Variants in SLC41A2 observed in about 807,000 individuals in gnomAD.
SLC41A2 encodes SLC41A1-like 1.
In SLC41A2, 32 loss-of-function variants were observed where a neutral mutation model predicts 58.3. The ratio of observed to expected loss-of-function variants is 0.55; its 90% CI spans 0.41 to 0.74. The LOEUF is 0.74. SLC41A2 is among the 30% of genes least tolerant of loss of function. The probability of loss-of-function intolerance (pLI) is 0.00; values close to 1 mark genes in which losing one functional copy is unlikely to be tolerated. For synonymous variants in SLC41A2, 190 were observed against 235.0 expected (o/e 0.81, Z 1.75); for missense variants, 514 against 680.6 (o/e 0.76, Z 2.72).
At chr12:104,805,388 A>T in intron 10 of SLC41A2, 51 bp from the exon 11 acceptor site, 1 of 1,511,420 alleles carries the variant, frequency 6.6e-7, no homozygotes, top group South Asian at 1.3e-5. Context: ...TTCCTAGCCC[A>T]TGAAACATGG....
intron 8 of SLC41A2, among the ~76,000 whole-genome samples, chr12:104,849,899 T>C (rs1378722666): frequency 2.0e-5 from 3 of 152,182 alleles, no homozygotes; most frequent in East Asian, 1.9e-4. Flanking sequence ...AATTCCACTC[T>C]TAGACAAATA....
chr12:104,831,300 C>T (rs944309564), intron 10 of SLC41A2, among the ~76,000 whole-genome samples: 1 of 152,148 alleles, frequency 6.6e-6, no homozygotes, highest in African/African-American at 2.4e-5. Context: ...ATGTCTTAAA[C>T]TCCAAGCCTC....
Position 104,887,454 on chromosome 12 carries a change from T to A in SLC41A2, c.881-1015A>T, listed in dbSNP as rs372620697. Among the ~76,000 whole-genome samples the A allele has an allele frequency of 7.2e-5, 11 of 152,012 alleles. No homozygotes were observed. The East Asian group carries it at 1.7e-3, about 24-fold the overall frequency. ...AAGCCAAAATTTTAATAAGCAGAAT[T>A]TTTGTCTTGCATCAAACAGTGCCTT... is the stretch of plus-strand genomic sequence containing the variant. On this transcript the variant is annotated intron_variant, in intron 5 of 10. Transcript: ENST00000258538.
At chr12:104,904,980 T>A (rs545816574) in intron 3 of SLC41A2, among the ~76,000 whole-genome samples, 55 of 152,236 alleles carry the variant, frequency 3.6e-4, no homozygotes, top group Admixed American at 2.8e-3. Flanking sequence ...TATTCTCTTA[T>A]CTGGCCCCAC....
chr12:104,934,915 T>C (rs887423731), intron 1 of SLC41A2, among the ~76,000 whole-genome samples: 1 of 152,074 alleles, frequency 6.6e-6, no homozygotes, highest in Non-Finnish European at 1.5e-5. Flanking sequence ...TCAAAAGGTA[T>C]AAAGTTTCAG....
chr12:104,879,146 T>G (rs945366176), intron 6 of SLC41A2, among the ~76,000 whole-genome samples: 1 of 152,250 alleles, frequency 6.6e-6, no homozygotes, highest in Non-Finnish European at 1.5e-5. Flanking sequence ...TTCACCCACT[T>G]GTTGATGGGG....
chr12:104,937,423 A>G (rs2047326498), intron 1 of SLC41A2, among the ~76,000 whole-genome samples: 2 of 152,196 alleles, frequency 1.3e-5, no homozygotes, highest in South Asian at 4.1e-4. Context: ...ACCATTGTGT[A>G]ACAACTGCCT....
intron 1 of SLC41A2, among the ~76,000 whole-genome samples, chr12:104,941,258 T>A (rs1415416325): frequency 2.0e-5 from 3 of 152,160 alleles, no homozygotes; most frequent in Admixed American, 6.5e-5. Context: ...ATAAAACAAT[T>A]GCTCATTTCT....
rs144477546 is a variant in SLC41A2, at chr12:104,913,611, C to T, written c.556-3849G>A. 5.2e-3 allele frequency among the ~76,000 whole-genome samples: 798 copies of T among 152,300 alleles called. 9 individuals carry two copies. The highest frequency in any genetic ancestry group is 0.018 in the African/African-American group (765 of 41,558). On this transcript the variant is annotated intron_variant, in intron 2 of 10. Transcript: ENST00000258538. The stretch of plus-strand genomic sequence containing the variant: ...TATTAAATACGTACATTTGGCCACC[C>T]CACCCAGCATAAATTCCTATTTCCT...
Position 104,904,791 on chromosome 12 carries a change from C to T in SLC41A2, c.663+4864G>A, listed in dbSNP as rs189106460. On this transcript the variant is annotated intron_variant, in intron 3 of 10. Transcript: ENST00000258538. Reference sequence around the variant, plus strand: ...GTTCCTCCTGGTGGGCTCGTGGTCTCGCTGGGCTCAGGAGTGAAGCTGCAG... The same window carrying T: ...GTTCCTCCTGGTGGGCTCGTGGTCTTGCTGGGCTCAGGAGTGAAGCTGCAG... Among the ~76,000 whole-genome samples the T allele has an allele frequency of 2.6e-3, 402 of 152,054 alleles. 3 individuals are homozygous for T. The highest frequency in any genetic ancestry group is 9.4e-3 in the African/African-American group (390 of 41,462).
At chr12:104,827,088 T>A (rs1039062186) in intron 10 of SLC41A2, among the ~76,000 whole-genome samples, 1 of 152,188 alleles carries the variant, frequency 6.6e-6, no homozygotes, top group Admixed American at 6.5e-5. Flanking sequence ...TACTAAGTTG[T>A]CCATGATCGA....
intron 1 of SLC41A2, among the ~76,000 whole-genome samples, chr12:104,940,158 C>T (rs1298576907): frequency 6.6e-6 from 1 of 151,802 alleles, no homozygotes; most frequent in African/African-American, 2.4e-5. Flanking sequence ...GGATTACAAG[C>T]ATGCACCACC....
intron 10 of SLC41A2, 84 bp downstream of exon 10, chr12:104,844,388 G>T: frequency 1.1e-6 from 1 of 898,088 alleles, no homozygotes; most frequent in Non-Finnish European, 1.6e-6. Context: ...ATGGTAAAAT[G>T]TGTCATGTGT....
chr12:104,895,215 T>G, intron 4 of SLC41A2, 59 bp downstream of exon 4: 3 of 1,235,228 alleles, frequency 2.4e-6, no homozygotes, highest in Non-Finnish European at 3.6e-6. Flanking sequence ...ACCAATCTTA[T>G]AGATTACAGT....
chr12:104,910,253 C>T (rs1364024261), intron 2 of SLC41A2, among the ~76,000 whole-genome samples: 1 of 152,080 alleles, frequency 6.6e-6, no homozygotes, highest in Non-Finnish European at 1.5e-5. Context: ...AAAGATGGGA[C>T]CTAGAGTTGA....
chr12:104,933,684 C>T (rs1565913454), intron 1 of SLC41A2, among the ~76,000 whole-genome samples: 1 of 151,042 alleles, frequency 6.6e-6, no homozygotes, highest in Non-Finnish European at 1.5e-5. Context: ...AATACACACA[C>T]ACACATACAC....
At chr12:104,878,711 A>G (rs1432319123) in intron 6 of SLC41A2, among the ~76,000 whole-genome samples, 3 of 152,088 alleles carry the variant, frequency 2.0e-5, no homozygotes, top group African/African-American at 7.2e-5. Context: ...CCAGTCTATC[A>G]TTGTTGGACA....
At chr12:104,889,239 G>A (rs1369453584) in intron 4 of SLC41A2, 62 bp from the exon 5 acceptor site, 10 of 1,491,872 alleles carry the variant, frequency 6.7e-6, no homozygotes, top group Admixed American at 2.3e-5. Context: ...TAAACATTTT[G>A]ATTATGTAAA....
At chr12:104,841,675 A>C (rs978477881) in intron 10 of SLC41A2, among the ~76,000 whole-genome samples, 1 of 152,138 alleles carries the variant, frequency 6.6e-6, no homozygotes, top group African/African-American at 2.4e-5. Context: ...ACATCTGAGT[A>C]AATGCAAAAG....
Sources: gnomAD v4.1 joint callset for allele counts (sites outside exome capture counted in the v4.1 genomes callset) on GRCh38, gnomAD v4.1.1 for gene constraint, MANE v1.5 for transcripts, NCBI Gene and HGNC (gene_info 2026-07-23, HGNC 2026-07-21) for gene names.